The following TASOR2 variants were observed in gnomAD, a reference collection of about 807,000 sequenced individuals.
TASOR2 encodes transcription activation suppressor family member 2.
Under a neutral mutation model 199.5 loss-of-function variants are expected in TASOR2, and 84 were observed. The observed-to-expected ratio is 0.42, with a 90% confidence interval of 0.35 to 0.50. The LOEUF is 0.50. Among genes scored for constraint, TASOR2 ranks in the 20% least tolerant of loss-of-function variants. TASOR2 has a pLI of 0.02. For synonymous variants in TASOR2, 1,103 were observed against 1,046.6 expected (o/e 1.05, Z -1.04); for missense variants, 2,796 against 2,835.9 (o/e 0.99, Z 0.32).
rs1314483861 is a variant in TASOR2, at chr10:5,687,136, TAATA to T, written c.-288+1966_-288+1969del. ...TATGTACTGACAAAGCGTATCTGTG[TAATA>T]AATATGCTTTTTGTCAGTACATGTT... On this transcript the variant is annotated intron_variant, in intron 1 of 20. Transcript: ENST00000328090. This position sits in a 1 kb window ranked among gnomAD's most constrained non-coding sequence, Gnocchi z 4.8. Among the ~76,000 whole-genome samples, 1 of 152,350 alleles carries T rather than the reference TAATA, an allele frequency of 6.6e-6. No individual in the cohort carries two copies. The highest frequency in any genetic ancestry group is 2.4e-5 in the African/African-American group (1 of 41,582).
intron 1 of TASOR2, among the ~76,000 whole-genome samples, chr10:5,702,700 A>G (rs544575356): frequency 6.8e-6 from 1 of 146,602 alleles, no homozygotes; most frequent in East Asian, 2.0e-4. Context: ...AAGAGATCCA[A>G]AACGGGCAAA....
Position 5,740,301 on chromosome 10 carries a change from C to A in TASOR2, c.2131C>A (p.Pro711Thr), listed in dbSNP as rs554772912. ...CGGCCTTTTGCTTCAGCAAAAGCCT[C>A]CTGACGACCCCGTGGTGAAGCCCAA... Residue 711 changes from proline (P) to threonine (T), a missense_variant, in exon 13 of 21, where the codon CCT (proline) becomes ACT (threonine). Pro to Thr is a conservative substitution (Grantham distance 38, BLOSUM62 -1). Coordinates refer to ENST00000328090, the Ensembl canonical transcript of TASOR2. The surrounding 1 kb of genome is among the most constrained non-coding windows in gnomAD (Gnocchi z 5.3). 16 of 1,614,268 alleles carry A rather than the reference C, an allele frequency of 9.9e-6. No homozygotes were observed. The South Asian group carries it at 1.6e-4, about 17-fold the overall frequency.
Position 5,730,542 on chromosome 10 carries a change from A to T in TASOR2, c.543A>T (p.Leu181Phe). 1 of 1,613,306 alleles carries T rather than the reference A, an allele frequency of 6.2e-7. No individual in the cohort carries two copies. The highest frequency in any genetic ancestry group is 8.5e-7 in the Non-Finnish European group (1 of 1,179,760). ...TCTCAATGAAGGTGATACCTATTTT[A>T]TCTACCCTTAATTGTGCCCTGCTAG... Residue 181 changes from leucine to phenylalanine, a missense_variant, in exon 11 of 21, where the codon TTA becomes TTT. Around this residue, in one of 3 missense-constraint regions of TASOR2, gnomAD observed 847 missense variants for 887.4 expected, o/e 0.95. Coordinates refer to ENST00000328090, the Ensembl canonical transcript of TASOR2. The surrounding 1 kb of genome is among the most constrained non-coding windows in gnomAD (Gnocchi z 4.1).
At chr10:5,739,919 A>G (rs370750620) in exon 13 of TASOR2, 174 of 1,614,042 alleles carry the variant, frequency 1.1e-4, no homozygotes, top group African/African-American at 5.6e-4. Context: ...CTGACCATGA[A>G]TATCATAGAG....
At position 5,709,454 on chromosome 10, in the gene TASOR2, G is replaced by A. The variant is rs145197130; in HGVS notation, c.-287-3369G>A. 1,086 of 968,550 alleles carry A rather than the reference G, an allele frequency of 1.1e-3. 19 individuals carry two copies. The East Asian group carries it at 0.023, about 21-fold the overall frequency. 60.0% of individuals were successfully genotyped at this position (968,550 alleles called of 1,614,324 possible). On this transcript the variant is annotated intron_variant, in intron 1 of 20. Coordinates refer to ENST00000328090, the Ensembl canonical transcript of TASOR2. ...TTATTCCTAATACAAATTACTCAGC[G>A]AACATTTGTTTCTATAGTAAATATG... is the stretch of plus-strand genomic sequence containing the variant.
At chr10:5,700,315 A>G (rs1348600132) in intron 1 of TASOR2, among the ~76,000 whole-genome samples, 2 of 151,658 alleles carry the variant, frequency 1.3e-5, no homozygotes, top group South Asian at 2.1e-4. Flanking sequence ...TGTATACTAC[A>G]TTTTCTTTAT....
At chr10:5,755,801 G>A (rs543584173) in intron 15 of TASOR2, among the ~76,000 whole-genome samples, 4 of 151,890 alleles carry the variant, frequency 2.6e-5, no homozygotes, top group Non-Finnish European at 5.9e-5. Context: ...CTTGAGGCCA[G>A]CCTGAGCAAC....
In TASOR2 at chr10:5,699,885, T is replaced by C; in HGVS notation, c.-287-12938T>C. 1 of 347,312 alleles carries C rather than the reference T, an allele frequency of 2.9e-6. No homozygotes were observed. The highest frequency in any genetic ancestry group is 4.1e-6 in the Non-Finnish European group (1 of 246,458). The allele number at this position is 347,312 out of a possible 1,614,324, so 21.5% of individuals were successfully genotyped here. A position where few individuals can be genotyped will look rare whatever the true frequency, so the allele number is the denominator to read the frequency against. ...TAGGATACATGTGATAATACAGTCA[T>C]ATAATTTGTAGAGATCAAGTCAGTG... On this transcript the variant is annotated intron_variant, in intron 1 of 20. Transcript: ENST00000328090. This position sits in a 1 kb window ranked among gnomAD's most constrained non-coding sequence, Gnocchi z 4.1.
chr10:5,708,064 T>G (rs1831351635), intron 1 of TASOR2, among the ~76,000 whole-genome samples: 1 of 152,170 alleles, frequency 6.6e-6, no homozygotes, highest in Non-Finnish European at 1.5e-5. Context: ...CAGTTCTTTT[T>G]GGGGGGAAAA....
At chr10:5,755,040 T>G (rs928274319) in intron 15 of TASOR2, among the ~76,000 whole-genome samples, 5 of 104,850 alleles carry the variant, frequency 4.8e-5, no homozygotes, top group East Asian at 2.3e-4. Context: ...AGCAAGACTC[T>G]TGTCTCAAAA....
chr10:5,725,175 G>A (rs192011124), intron 8 of TASOR2, among the ~76,000 whole-genome samples: 22 of 152,042 alleles, frequency 1.4e-4, no homozygotes, highest in South Asian at 2.1e-4. Context: ...CAAGGCGGGC[G>A]GATCACGAGG....
In TASOR2 at chr10:5,752,588, G is replaced by A. The variant is rs922452841; in HGVS notation, c.6606+2561G>A. ...CATGGGGGCTGGATTACTGAGTAACGAGTTACTTAGTAATGAAGGACACGT... is the reference window on the plus strand; with the variant it reads ...CATGGGGGCTGGATTACTGAGTAACAAGTTACTTAGTAATGAAGGACACGT... On this transcript the variant is annotated intron_variant, in intron 15 of 20. Coordinates refer to ENST00000328090, the Ensembl canonical transcript of TASOR2. The surrounding 1 kb of genome is among the most constrained non-coding windows in gnomAD (Gnocchi z 4.4). Among the ~76,000 whole-genome samples the A allele has an allele frequency of 2.0e-5, 3 of 152,330 alleles. No individual in the cohort carries two copies. The highest frequency in any genetic ancestry group is 4.1e-4 in the South Asian group (2 of 4,830).
Position 5,720,627 on chromosome 10 carries a change from C to T in TASOR2, c.-16C>T. The T allele has an allele frequency of 1.2e-6, 2 of 1,613,916 alleles. No individual in the cohort carries two copies. On this transcript the variant is annotated 5_prime_UTR_variant, in exon 4 of 21. Transcript: ENST00000328090. The surrounding 1 kb of genome is among the most constrained non-coding windows in gnomAD (Gnocchi z 5.3). ...CTTATGTAATTGTAGCTTTTCGATA[C>T]AGGGAATCTAAAACTATGGCACCAC...
rs562050678 is a variant in TASOR2, at chr10:5,710,190, A to G, written c.-287-2633A>G. ...CGTCAAATTTCTAGATGAAATTTTC[A>G]TCTGTCTCCTCATTTACTGAACAGG... On this transcript the variant is annotated intron_variant, in intron 1 of 20. Transcript: ENST00000328090. This position sits in a 1 kb window ranked among gnomAD's most constrained non-coding sequence, Gnocchi z 4.6. Among the ~76,000 whole-genome samples the G allele has an allele frequency of 6.6e-6, 1 of 152,218 alleles. No individual in the cohort carries two copies. Among genetic ancestry groups the G allele is most frequent in the East Asian group, 1.9e-4 (1 of 5,188 alleles).
intron 18 of TASOR2, 106 bp from the exon 20 acceptor site, chr10:5,761,182 GAA>G: frequency 3.3e-6 from 3 of 904,998 alleles, no homozygotes; most frequent in South Asian, 3.4e-5. Context: ...AGAACGTCAA[GAA>G]GAAAGGCAGA....
At chr10:5,745,202 G>C (rs1221493442) in intron 14 of TASOR2, among the ~76,000 whole-genome samples, 1 of 152,168 alleles carries the variant, frequency 6.6e-6, no homozygotes, top group African/African-American at 2.4e-5. Flanking sequence ...AATCCTGCTT[G>C]CTACTGTTTA....
At chr10:5,757,856 T>G (rs1839189457) in intron 17 of TASOR2, among the ~76,000 whole-genome samples, 183 bp downstream of exon 18, 1 of 152,086 alleles carries the variant, frequency 6.6e-6, no homozygotes, top group Admixed American at 6.6e-5. Flanking sequence ...ATAGCAATGC[T>G]TTTCACCTCT....
chr10:5,757,109 A>C (rs1839069984), intron 16 of TASOR2, among the ~76,000 whole-genome samples: 3 of 152,068 alleles, frequency 2.0e-5, no homozygotes, highest in Admixed American at 6.5e-5. Flanking sequence ...TGTCTCAAGA[A>C]GACCCAACTA....
chr10:5,691,118 G>C (rs747975880), intron 1 of TASOR2, among the ~76,000 whole-genome samples: 1 of 151,066 alleles, frequency 6.6e-6, no homozygotes, highest in Non-Finnish European at 1.5e-5. Flanking sequence ...TTGAACCTGG[G>C]AGGCAGAGAT....
Sources: allele counts gnomAD v4.1 joint callset (sites outside exome capture counted in the v4.1 genomes callset), GRCh38; gene constraint gnomAD v4.1.1; regional missense constraint gnomAD v4.1.1; non-coding constraint Gnocchi (gnomAD v3.1); transcripts MANE v1.5; gene names NCBI Gene and HGNC (gene_info 2026-07-23, HGNC 2026-07-21).